The following SKAP1 variants were observed in gnomAD, a reference collection of about 807,000 sequenced individuals.
SKAP1 encodes src kinase-associated phosphoprotein 1.
A neutral mutation model predicts 58.5 loss-of-function variants in SKAP1; 44 were observed. The observed-to-expected ratio is 0.75, with a 90% CI of 0.59 to 0.97. The LOEUF (loss-of-function observed/expected upper bound fraction) is 0.97. SKAP1 is among the 50% of genes least tolerant of loss of function. SKAP1 has a pLI of 0.00. For synonymous variants in SKAP1, 127 were observed against 149.7 expected (o/e 0.85, Z 1.11); for missense variants, 390 against 435.2 (o/e 0.90, Z 0.92).
intron 4 of SKAP1, among the ~76,000 whole-genome samples, chr17:48,271,653 C>T (rs1449822637): frequency 6.6e-6 from 1 of 152,036 alleles, no homozygotes; most frequent in African/African-American, 2.4e-5. Context: ...TGAGCTACTG[C>T]ACCTGGACTA....
chr17:48,328,392 C>T (rs1007160184), intron 4 of SKAP1, among the ~76,000 whole-genome samples: 2 of 152,054 alleles, frequency 1.3e-5, no homozygotes, highest in African/African-American at 4.8e-5. Context: ...ACAAGAGGGC[C>T]TATATGACTT....
chr17:48,328,070 C>T (rs976779121), intron 4 of SKAP1, among the ~76,000 whole-genome samples: 1 of 152,158 alleles, frequency 6.6e-6, no homozygotes, highest in Non-Finnish European at 1.5e-5. Context: ...AGAACCCATA[C>T]TCTGCAACTG....
rs2067018008 is a variant in SKAP1 at position 48,367,398 on chromosome 17, T to C, written c.153-3584A>G. Among the ~76,000 whole-genome samples the C allele has an allele frequency of 4.0e-5, 6 of 151,726 alleles. No homozygotes were observed. The South Asian group carries it at 1.2e-3, about 32-fold the overall frequency. ...TAATACTGTATTACATACTTGAAATTTGGTAAGAGAGTAGATTTTAAGCAT... is the reference window on the plus strand; with the variant it reads ...TAATACTGTATTACATACTTGAAATCTGGTAAGAGAGTAGATTTTAAGCAT... On this transcript the variant is annotated intron_variant, in intron 2 of 12. Transcript: ENST00000336915.
intron 4 of SKAP1, among the ~76,000 whole-genome samples, chr17:48,221,612 T>C (rs886779586): frequency 2.0e-5 from 3 of 152,356 alleles, no homozygotes. Context: ...TCAAATGTTT[T>C]ATAAGGAGGT....
intron 3 of SKAP1, among the ~76,000 whole-genome samples, chr17:48,357,535 CA>C (rs892356654): frequency 6.6e-6 from 1 of 152,008 alleles, no homozygotes; most frequent in Non-Finnish European, 1.5e-5. Context: ...GAGGCTGAGG[CA>C]GGAGAATTGC....
chr17:48,169,792 G>C (rs1451685074), intron 10 of SKAP1, among the ~76,000 whole-genome samples: 1 of 152,204 alleles, frequency 6.6e-6, no homozygotes, highest in Non-Finnish European at 1.5e-5. Flanking sequence ...AATGGAGAAG[G>C]AGCAGGGAGG....
At chr17:48,330,031 C>T (rs1356540012) in intron 4 of SKAP1, among the ~76,000 whole-genome samples, 2 of 152,120 alleles carry the variant, frequency 1.3e-5, no homozygotes, top group African/African-American at 4.8e-5. Flanking sequence ...TATAGAGTGC[C>T]ATGCATTCAG....
chr17:48,248,592 C>T (rs902918332), intron 4 of SKAP1, among the ~76,000 whole-genome samples: 1 of 151,996 alleles, frequency 6.6e-6, no homozygotes, highest in Non-Finnish European at 1.5e-5. Flanking sequence ...AACAAACAAA[C>T]AAACAAATTG....
At chr17:48,159,118 TAG>T (rs1303539483) in intron 11 of SKAP1, among the ~76,000 whole-genome samples, 1 of 152,022 alleles carries the variant, frequency 6.6e-6, no homozygotes, top group Non-Finnish European at 1.5e-5. Context: ...TTTTATCAGA[TAG>T]AGAGAGAGGG....
chr17:48,346,041 C>A (rs1313363894), intron 3 of SKAP1, 35 bp from the exon 4 acceptor site: 1 of 1,301,988 alleles, frequency 7.7e-7, no homozygotes, highest in African/African-American at 1.5e-5. Context: ...TAAGGTTAAT[C>A]TTTGGGCATC....
At chr17:48,274,499 C>T (rs950920462) in intron 4 of SKAP1, among the ~76,000 whole-genome samples, 2 of 151,996 alleles carry the variant, frequency 1.3e-5, no homozygotes, top group Admixed American at 1.3e-4. Flanking sequence ...GAGTTTGAGA[C>T]CAGACTCACC....
intron 4 of SKAP1, among the ~76,000 whole-genome samples, chr17:48,219,210 T>C (rs577927276): frequency 6.6e-6 from 1 of 152,318 alleles, no homozygotes; most frequent in East Asian, 1.9e-4. Flanking sequence ...AAAATTGTAT[T>C]CCATTGTTGA....
intron 11 of SKAP1, among the ~76,000 whole-genome samples, chr17:48,144,024 A>G (rs1352436983): frequency 3.3e-5 from 5 of 152,222 alleles, no homozygotes; most frequent in African/African-American, 1.2e-4. Context: ...CCAGGGGAAC[A>G]CTGACCCTGC....
At chr17:48,335,089 C>T (rs77720153) in intron 4 of SKAP1, among the ~76,000 whole-genome samples, 2,458 of 151,882 alleles carry the variant, frequency 0.016, 77 homozygotes, top group African/African-American at 0.057. Flanking sequence ...TCTTCTCTTA[C>T]AATTCCTCAA....
intron 4 of SKAP1, among the ~76,000 whole-genome samples, chr17:48,276,901 A>G (rs1455728886): frequency 6.6e-6 from 1 of 152,226 alleles, no homozygotes; most frequent in Admixed American, 6.5e-5. Context: ...TAAGAACACT[A>G]AAATACTTTA....
At chr17:48,292,110 A>G (rs1412890096) in intron 4 of SKAP1, among the ~76,000 whole-genome samples, 1 of 149,568 alleles carries the variant, frequency 6.7e-6, no homozygotes, top group African/African-American at 2.5e-5. Context: ...TACACTAATG[A>G]AAATCATTAG....
intron 11 of SKAP1, among the ~76,000 whole-genome samples, chr17:48,152,014 G>A (rs2063908366): frequency 6.6e-6 from 1 of 152,048 alleles, no homozygotes; most frequent in Non-Finnish European, 1.5e-5. Flanking sequence ...TAGAGTAAAA[G>A]GATTTTTGTT....
At chr17:48,182,580 G>T in intron 7 of SKAP1, 123 bp from the exon 8 acceptor site, 1 of 674,826 alleles carries the variant, frequency 1.5e-6, no homozygotes, top group Non-Finnish European at 2.6e-6. Flanking sequence ...AGGATTCTCT[G>T]CCTGCTTAAC....
At chr17:48,177,317 C>T (rs755520622) in intron 9 of SKAP1, among the ~76,000 whole-genome samples, 18 of 152,292 alleles carry the variant, frequency 1.2e-4, no homozygotes, top group Non-Finnish European at 1.9e-4. Context: ...TTAATAACAG[C>T]CAGCATTTAC....
Sources: allele counts gnomAD v4.1 joint callset (sites outside exome capture counted in the v4.1 genomes callset), GRCh38; gene constraint gnomAD v4.1.1; transcripts MANE v1.5; gene names NCBI Gene and HGNC (gene_info 2026-07-23, HGNC 2026-07-21).